WASF3: variants seen among roughly 807,000 people sequenced by gnomAD.
WASF3 encodes WASP family member 3, also known as actin-binding protein WASF3.
Under a neutral mutation model 46.6 loss-of-function variants are expected in WASF3, and 11 were observed. The observed-to-expected ratio is 0.24, with a 90% CI of 0.15 to 0.39. WASF3 has a LOEUF of 0.39. Ranked by LOEUF, WASF3 falls within the 10% of genes least tolerant of loss-of-function variation. The probability of loss-of-function intolerance (pLI) is 1.00; values close to 1 mark genes in which losing one functional copy is unlikely to be tolerated. For synonymous variants in WASF3, 242 were observed against 259.7 expected (o/e 0.93, Z 0.65); for missense variants, 576 against 669.8 (o/e 0.86, Z 1.55).
At position 26,676,604 on chromosome 13, in the gene WASF3, G is replaced by A. The variant is rs1486841654; in HGVS notation, c.596G>A (p.Arg199Lys). The change falls in exon 7 of 10, where the codon AGA becomes AAA. Residue 199 changes from arginine (R) to lysine (K), a missense_variant. Coordinates refer to ENST00000335327, the MANE Select transcript of WASF3 (RefSeq NM_006646.6). ...TREVKKVRKA[R>K]NRRQEWNMMA... ...GAGGTGAAAAAGGTTAGAAAAGCCA[G>A]AAACAGGCGCCAGGAGTGGAATATG... is the stretch of plus-strand genomic sequence containing the variant. 21 of 1,614,152 alleles carry A rather than the reference G, an allele frequency of 1.3e-5. No homozygotes were observed. The highest frequency in any genetic ancestry group is 1.8e-5 in the Non-Finnish European group (21 of 1,180,028).
At chr13:26,554,037 T>TTC (rs1879028827), upstream of WASF3, among the ~76,000 whole-genome samples, 1 of 50,812 alleles carries the variant, frequency 2.0e-5, no homozygotes, top group African/African-American at 9.3e-5. Context: ...TTCTTTCTCT[T>TTC]TCTTTCCTTC....
chr13:26,540,703 C>T, the WASF3 span, among the ~76,000 whole-genome samples: 1 of 152,226 alleles, frequency 6.6e-6, no homozygotes, highest in African/African-American at 2.4e-5. Flanking sequence ...GCTCCTGCTT[C>T]ATCTGTGTTT....
At chr13:26,545,109 C>T in the WASF3 span, among the ~76,000 whole-genome samples, 1 of 152,176 alleles carries the variant, frequency 6.6e-6, no homozygotes, top group Non-Finnish European at 1.5e-5. Flanking sequence ...ACTCTCCACC[C>T]CTGGGATAAA....
intron 1 of WASF3, among the ~76,000 whole-genome samples, chr13:26,605,082 C>T (rs1335832860): frequency 6.6e-6 from 1 of 152,270 alleles, no homozygotes; most frequent in East Asian, 1.9e-4. Flanking sequence ...ACCTCTGCCC[C>T]TCTGTCCAGC....
the WASF3 span, among the ~76,000 whole-genome samples, chr13:26,546,146 G>T: frequency 0.11 from 17,253 of 152,112 alleles, 1,182 homozygotes; most frequent in South Asian, 0.23. Flanking sequence ...CAAAGACAAG[G>T]CAGGAAAACA....
Position 26,679,938 on chromosome 13 carries a change from AAGAAAAG to A in WASF3, c.717-1115_717-1109del. ...TTCTGTGCCACATGGTGCCCCAGTT[AAGAAAAG>A]CTACCAACTGGAATCCCAAAGATGG... is the stretch of plus-strand genomic sequence containing the variant. On this transcript the variant is annotated intron_variant, in intron 7 of 9. Coordinates refer to ENST00000335327, the MANE Select transcript of WASF3 (RefSeq NM_006646.6). This position sits in a 1 kb window ranked among gnomAD's most constrained non-coding sequence, Gnocchi z 4.8. 7.0e-7 allele frequency: 1 copy of A among 1,433,764 alleles called. No homozygotes were observed. Among genetic ancestry groups the A allele is most frequent in the South Asian group, 1.3e-5 (1 of 75,956 alleles). 88.8% of individuals were successfully genotyped at this position (1,433,764 alleles called of 1,614,324 possible). A position where few individuals can be genotyped will look rare whatever the true frequency, so the allele number is the denominator to read the frequency against.
chr13:26,684,633 G>T (rs138888462), intron 9 of WASF3, among the ~76,000 whole-genome samples: 15 of 152,268 alleles, frequency 9.9e-5, no homozygotes, highest in African/African-American at 3.6e-4. Context: ...TATTTTGGGT[G>T]GGCGAGGCGG....
At position 26,681,319 on chromosome 13, in the gene WASF3, G is replaced by C; in HGVS notation, c.982G>C (p.Gly328Arg). Residue 328 changes from glycine to arginine, a missense_variant and splice_region_variant, in exon 8 of 10, where the codon GGG (glycine) becomes CGG (arginine). By Grantham distance (125) the Gly-to-Arg change is moderately radical. Around this residue, in one of 3 missense-constraint regions of WASF3, gnomAD observed 295 missense variants for 291.5 expected, o/e 1.01. Transcript: ENST00000335327. The stretch of plus-strand genomic sequence containing the variant: ...TGCACCGATGGCTCCAGCAGACTAC[G>C]GGTAACTCAGCATGCCTTGTACCCT... ...ASAPMAPADY[G>R]MLPAQIIEYY... is the part of the protein sequence containing the mutation. The C allele has an allele frequency of 6.3e-7, 1 of 1,584,360 alleles. No individual in the cohort carries two copies. The highest frequency in any genetic ancestry group is 8.6e-7 in the Non-Finnish European group (1 of 1,165,546).
intron 1 of WASF3, among the ~76,000 whole-genome samples, chr13:26,606,247 A>G (rs1880792399): frequency 6.6e-6 from 1 of 152,142 alleles, no homozygotes; most frequent in South Asian, 2.1e-4. Context: ...GTGGATACAC[A>G]CACACTTTAT....
chr13:26,685,586 A>T, intron 9 of WASF3, 102 bp from the exon 10 acceptor site: 2 of 1,386,866 alleles, frequency 1.4e-6, no homozygotes, highest in Non-Finnish European at 2.0e-6. Flanking sequence ...TTCTGTCCTT[A>T]GTGTCAGTAG....
intron 1 of WASF3, among the ~76,000 whole-genome samples, chr13:26,586,481 C>A (rs933386187): frequency 1.3e-5 from 2 of 152,112 alleles, no homozygotes; most frequent in South Asian, 4.1e-4. Flanking sequence ...CTAGTCTATT[C>A]CATTATAGGT....
intron 1 of WASF3, among the ~76,000 whole-genome samples, chr13:26,560,476 A>G (rs1186822475): frequency 2.0e-5 from 3 of 152,116 alleles, no homozygotes; most frequent in Non-Finnish European, 2.9e-5. Flanking sequence ...TCCATTTAAT[A>G]CTGTAGATGA....
chr13:26,627,991 G>A (rs1380406716), intron 2 of WASF3, among the ~76,000 whole-genome samples: 2 of 152,074 alleles, frequency 1.3e-5, no homozygotes, highest in Admixed American at 1.3e-4. Flanking sequence ...GGTGTTAGGA[G>A]CTGAGAGAGT....
intron 1 of WASF3, among the ~76,000 whole-genome samples, chr13:26,565,469 T>G (rs1879435333): frequency 6.6e-6 from 1 of 152,220 alleles, no homozygotes; most frequent in Non-Finnish European, 1.5e-5. Context: ...AGAACACGTC[T>G]GTTTTCAATA....
intron 3 of WASF3, among the ~76,000 whole-genome samples, chr13:26,664,481 T>C (rs1189533856): frequency 6.6e-6 from 1 of 152,224 alleles, no homozygotes; most frequent in Non-Finnish European, 1.5e-5. Context: ...GCAGAAAAAT[T>C]TAACTCAGAA....
the WASF3 span, among the ~76,000 whole-genome samples, chr13:26,544,864 C>T: frequency 8.0e-3 from 1,226 of 152,376 alleles, 7 homozygotes; most frequent in Middle Eastern, 0.031. Context: ...GCTACACGTG[C>T]TCTGCCTGTT....
intron 1 of WASF3, among the ~76,000 whole-genome samples, chr13:26,598,926 A>G (rs1477760136): frequency 6.6e-6 from 1 of 152,094 alleles, no homozygotes; most frequent in Non-Finnish European, 1.5e-5. Flanking sequence ...ACTGGAGTGC[A>G]CTGGCACGAT....
chr13:26,611,129 C>T (rs1880965768), intron 1 of WASF3, among the ~76,000 whole-genome samples: 1 of 151,134 alleles, frequency 6.6e-6, no homozygotes, highest in Admixed American at 6.6e-5. Context: ...TTTAGCCTCC[C>T]AGAGTGCTGA....
At chr13:26,615,045 T>C (rs1006852461) in intron 2 of WASF3, among the ~76,000 whole-genome samples, 8 of 152,076 alleles carry the variant, frequency 5.3e-5, no homozygotes, top group African/African-American at 1.2e-4. Flanking sequence ...TCTTAGGCAT[T>C]TCCGTTGGTG....
Sources: allele counts gnomAD v4.1 joint callset (sites outside exome capture counted in the v4.1 genomes callset), GRCh38; gene constraint gnomAD v4.1.1; regional missense constraint gnomAD v4.1.1; non-coding constraint Gnocchi (gnomAD v3.1); transcripts MANE v1.5; gene names NCBI Gene and HGNC (gene_info 2026-07-23, HGNC 2026-07-21).